USP18: variants seen among roughly 807,000 people sequenced by gnomAD.
The protein encoded by USP18 is ubiquitin specific peptidase 18.
Under a neutral mutation model 48.7 loss-of-function variants are expected in USP18, and 11 were observed. That is an observed-to-expected ratio of 0.23 (90% CI 0.14 to 0.37). The LOEUF is 0.37. Among genes scored for constraint, USP18 ranks in the 10% least tolerant of loss-of-function variants. The pLI is 1.00. For missense variants in USP18, 285 were observed against 436.4 expected (o/e 0.65, Z 3.09); for synonymous variants, 114 against 163.2 (o/e 0.70, Z 2.30).
chr22:18,159,138 A>C (rs2543952), intron 2 of USP18, among the ~76,000 whole-genome samples: 39,878 of 150,890 alleles, frequency 0.26, 6,426 homozygotes, highest in East Asian at 0.64. Flanking sequence ...TCACTGCAAC[A>C]TCTGCCTGCC....
intron 4 of USP18, among the ~76,000 whole-genome samples, chr22:18,163,866 A>G (rs1029132055): frequency 2.0e-5 from 3 of 152,126 alleles, no homozygotes; most frequent in African/African-American, 7.2e-5. Context: ...GGGGAGATAG[A>G]AACCAGCCCC....
chr22:18,154,379 C>T (rs1279252880), intron 1 of USP18, among the ~76,000 whole-genome samples: 3 of 152,110 alleles, frequency 2.0e-5, no homozygotes, highest in Non-Finnish European at 2.9e-5. Flanking sequence ...TAAGACAGTA[C>T]ATATAAAAGG....
At chr22:18,157,884 G>T (rs1482519490) in intron 2 of USP18, 64 bp downstream of exon 2, 1 of 1,596,706 alleles carries the variant, frequency 6.3e-7, no homozygotes, top group Non-Finnish European at 8.5e-7. Context: ...CACCCCCTCC[G>T]CTCTGAAGCC....
At chr22:18,173,706 G>T in intron 9 of USP18, 87 bp from the exon 10 acceptor site, 2 of 1,580,790 alleles carry the variant, frequency 1.3e-6, no homozygotes, top group Admixed American at 3.4e-5. Context: ...GGCTTGTCTG[G>T]AGGATGAGGG....
rs753442720 is a variant in USP18, at chr22:18,160,186, C to T, written c.172C>T (p.His58Tyr). The T allele has an allele frequency of 2.9e-5, 46 of 1,614,034 alleles. No individual in the cohort carries two copies. Among genetic ancestry groups the T allele is most frequent in the Non-Finnish European group, 3.7e-5 (44 of 1,180,010 alleles). The change falls in exon 3 of 11, where the codon CAC becomes TAC. Residue 58 changes from histidine to tyrosine, a missense_variant. Around this residue, in one of 5 missense-constraint regions of USP18, gnomAD observed 199 missense variants for 239.6 expected, o/e 0.83. Transcript: ENST00000215794. ...TCCCCTTATAGGCCTGGTTGGTTTA[C>T]ACAACATTGGACAGACCTGCTGCCT... ...WDYPHGLVGL[H>Y]NIGQTCCLNS...
At chr22:18,152,783 C>G (rs1189857739) in intron 1 of USP18, among the ~76,000 whole-genome samples, 1 of 152,080 alleles carries the variant, frequency 6.6e-6, no homozygotes, top group Non-Finnish European at 1.5e-5. Context: ...TGTGATCTAC[C>G]CTGAAAGGCT....
rs1247751558 is a variant in USP18, at chr22:18,159,942, A to G, written c.158-230A>G. Reference sequence around the variant, plus strand: ...TCTGCCCGCCTCGGCCTCCCAAAGTACTGGGATTACAGGCGTGAGCCACCG... The same window carrying G: ...TCTGCCCGCCTCGGCCTCCCAAAGTGCTGGGATTACAGGCGTGAGCCACCG... On this transcript the variant is annotated intron_variant, in intron 2 of 10. Coordinates refer to ENST00000215794, the MANE Select transcript of USP18 (RefSeq NM_017414.4). Among the ~76,000 whole-genome samples, 19 of 151,592 alleles carry G rather than the reference A, an allele frequency of 1.3e-4. No individual in the cohort carries two copies. The East Asian group carries it at 3.7e-3, about 30-fold the overall frequency.
At chr22:18,160,730 T>C (rs1929307020) in intron 3 of USP18, among the ~76,000 whole-genome samples, 1 of 151,860 alleles carries the variant, frequency 6.6e-6, no homozygotes, top group Admixed American at 6.6e-5. Flanking sequence ...TTCTAAAACT[T>C]CTTAGGTTGG....
chr22:18,166,249 G>A (rs746072624), intron 4 of USP18, among the ~76,000 whole-genome samples: 30 of 152,106 alleles, frequency 2.0e-4, no homozygotes, highest in Admixed American at 1.7e-3. Flanking sequence ...TTCAGTTATG[G>A]TTCTCCTCAA....
chr22:18,167,898 A>G lies in USP18; in HGVS notation c.489A>G (p.Arg163=). ...CGCTCTCCCTCTTGCAGGTGGAGAG[A>G]CTGCAGGCCCTGTATACGATCCGGG... The part of the protein sequence containing the change: ...DQITDVHLVE[R]LQALYTIRVK... The change falls in exon 6 of 11, where the codon AGA becomes AGG. Residue 163 remains arginine, a synonymous_variant. Coordinates refer to ENST00000215794, the MANE Select transcript of USP18 (RefSeq NM_017414.4). The G allele has an allele frequency of 2.5e-6, 4 of 1,613,144 alleles. No individual in the cohort carries two copies. Among genetic ancestry groups the G allele is most frequent in the Non-Finnish European group, 3.4e-6 (4 of 1,179,494 alleles).
intron 5 of USP18, among the ~76,000 whole-genome samples, 181 bp downstream of exon 5, chr22:18,167,515 G>A (rs1929506066): frequency 1.3e-5 from 2 of 152,054 alleles, no homozygotes; most frequent in South Asian, 2.1e-4. Context: ...GGCTAACACA[G>A]TGAAACCCTG....
In USP18 at chr22:18,173,104, G is replaced by A. The variant is rs771928722; in HGVS notation, c.892-46G>A. 22 of 1,603,630 alleles carry A rather than the reference G, an allele frequency of 1.4e-5. 1 individual carries two copies. The South Asian group carries it at 1.5e-4, about 11-fold the overall frequency. On this transcript the variant is annotated intron_variant, in intron 8 of 10. Transcript: ENST00000215794. The stretch of plus-strand genomic sequence containing the variant: ...GCAGGTATAAATGTGTGAGGCAGTC[G>A]TGTTTGTGGTGGTGGGTGAACTGTC...
At chr22:18,157,917 T>G (rs1218951998) in intron 2 of USP18, 97 bp downstream of exon 2, 1 of 1,500,874 alleles carries the variant, frequency 6.7e-7, no homozygotes, top group South Asian at 1.3e-5. Flanking sequence ...ATTCGACGGC[T>G]CATGCTTTCC....
At chr22:18,165,727 C>T (rs1929456551) in intron 4 of USP18, among the ~76,000 whole-genome samples, 1 of 151,400 alleles carries the variant, frequency 6.6e-6, no homozygotes, top group East Asian at 2.0e-4. Flanking sequence ...AGGGAACTCT[C>T]CCTGCCAGGG....
intron 6 of USP18, 144 bp downstream of exon 6, chr22:18,168,180 G>A (rs1929532361): frequency 7.3e-7 from 1 of 1,373,174 alleles, no homozygotes; most frequent in South Asian, 1.5e-5. Flanking sequence ...CACCTGGTGA[G>A]GGCCTGCTTG....
Position 18,161,854 on chromosome 22 carries a change from C to T in USP18, c.319C>T (p.Leu107=), listed in dbSNP as rs1434698355. ...RSVPFQMLLL[L]EKMQDSRQKA... is the part of the protein sequence containing the mutation. ...CGTCCCTTTCCAGATGCTTCTGCTG[C>T]TGGAGAAGATGCAGGACAGCCGGCA... The change falls in exon 4 of 11, where the codon CTG becomes TTG. Residue 107 remains leucine (L), a synonymous_variant. Transcript: ENST00000215794. 1 of 1,613,682 alleles carries T rather than the reference C, an allele frequency of 6.2e-7. No homozygotes were observed. The highest frequency in any genetic ancestry group is 8.5e-7 in the Non-Finnish European group (1 of 1,179,942).
chr22:18,156,339 GC>G (rs1276393263), intron 1 of USP18, among the ~76,000 whole-genome samples: 3 of 152,214 alleles, frequency 2.0e-5, no homozygotes, highest in African/African-American at 7.2e-5. Context: ...AAAGCAGGCT[GC>G]CCGAGCCAGC....
Position 18,173,019 on chromosome 22 carries a change from T to C in USP18, c.892-131T>C. The C allele has an allele frequency of 2.0e-6, 3 of 1,507,658 alleles. No homozygotes were observed. The South Asian group carries it at 4.0e-5, about 20-fold the overall frequency. The allele number at this position is 1,507,658 out of a possible 1,614,324, so 93.4% of individuals were successfully genotyped here. On this transcript the variant is annotated intron_variant, in intron 8 of 10. Coordinates refer to ENST00000215794, the MANE Select transcript of USP18 (RefSeq NM_017414.4). The stretch of plus-strand genomic sequence containing the variant: ...AAAGCCCCTCCTGGAGGGTGCCCAC[T>C]GGCTGTGGGTCGGGACTGTTTTCTA...
intron 6 of USP18, among the ~76,000 whole-genome samples, chr22:18,168,779 T>C (rs5993034): frequency 0.4 from 61,285 of 151,734 alleles, 13,469 homozygotes; most frequent in African/African-American, 0.59. Flanking sequence ...CTCAAACCAT[T>C]ACACCACACA....
Sources: gnomAD v4.1 joint callset for allele counts (sites outside exome capture counted in the v4.1 genomes callset) on GRCh38, gnomAD v4.1.1 for gene constraint, gnomAD v4.1.1 regional missense constraint, MANE v1.5 for transcripts, NCBI Gene and HGNC (gene_info 2026-07-23, HGNC 2026-07-21) for gene names.